Variants in GAB3 observed in about 807,000 individuals in gnomAD.
GAB3 encodes GRB2-associated-binding protein 3.
In GAB3, 12 loss-of-function variants were observed where a neutral mutation model predicts 40.4. That is an observed-to-expected ratio of 0.30 (90% confidence interval 0.19 to 0.48). The LOEUF (loss-of-function observed/expected upper bound fraction) is 0.48, where lower values mean the gene tolerates loss of function less well. Ranked by LOEUF, GAB3 falls within the 20% of genes least tolerant of loss-of-function variation. The pLI, the probability that GAB3 is intolerant of heterozygous loss-of-function variation, is 0.99. For missense variants in GAB3, 381 were observed against 461.9 expected, an observed-to-expected ratio of 0.82 and a Z score of 1.61; for synonymous variants, 154 against 176.7, an observed-to-expected ratio of 0.87 and a Z score of 1.02.
At chrX:154,733,412 CTT>C (rs1219407009) in intron 1 of GAB3, among the ~76,000 whole-genome samples, 2 of 112,294 alleles carry the variant, frequency 1.8e-5, no homozygotes, top group Non-Finnish European at 3.8e-5. Flanking sequence ...AATATGAACT[CTT>C]TGCTTGCCTC....
At chrX:154,709,976 A>G (rs1228303094) in intron 4 of GAB3, among the ~76,000 whole-genome samples, 3 of 112,132 alleles carry the variant, frequency 2.7e-5, no homozygotes, top group African/African-American at 9.7e-5. Context: ...AAAAGGTACA[A>G]ACTTTCAGTG....
intron 8 of GAB3, among the ~76,000 whole-genome samples, chrX:154,684,347 A>G (rs2070417585): frequency 9.0e-6 from 1 of 111,175 alleles, no homozygotes. Flanking sequence ...AAATTTTCCT[A>G]CTGATTCAGT....
intron 4 of GAB3, among the ~76,000 whole-genome samples, chrX:154,709,414 A>G (rs1467437180): frequency 5.7e-5 from 6 of 105,817 alleles, no homozygotes; most frequent in South Asian, 8.8e-4. Flanking sequence ...TCTGCCTCCC[A>G]GGTTCAAGCG....
Position 154,708,291 on chromosome X carries a change from G to A in GAB3, c.1069+3938C>T, listed in dbSNP as rs1287493058. On this transcript the variant is annotated intron_variant, in intron 4 of 9. Coordinates refer to ENST00000424127, the MANE Select transcript of GAB3 (RefSeq NM_001081573.3). The stretch of plus-strand genomic sequence containing the variant: ...TAGCCCCTAGAAGAAAATATAGGGG[G>A]AAAGCTCATTGACATTGGTATTGAT... Among the ~76,000 whole-genome samples, 3 of 111,994 alleles carry A rather than the reference G, an allele frequency of 2.7e-5. No homozygotes were observed. In the East Asian group the frequency reaches 8.4e-4, roughly 31 times the overall value.
intron 1 of GAB3, among the ~76,000 whole-genome samples, chrX:154,741,675 CAAA>C (rs1206111123): frequency 1.1e-4 from 3 of 26,497 alleles, no homozygotes; most frequent in African/African-American, 2.7e-4. Context: ...GACTCCATCT[CAAA>C]AAAAAAAAAA....
chrX:154,687,633 C>CA (rs144999605), intron 8 of GAB3, among the ~76,000 whole-genome samples: 3,411 of 22,319 alleles, frequency 0.15, 380 homozygotes, highest in Non-Finnish European at 0.22. Context: ...GACTCTGTCT[C>CA]AAAAAAAAAA....
chrX:154,698,590 A>G (rs1194313470), intron 6 of GAB3, among the ~76,000 whole-genome samples: 1 of 111,640 alleles, frequency 9.0e-6, no homozygotes, highest in Non-Finnish European at 1.9e-5. Flanking sequence ...CCTTGTAATC[A>G]CACAGCCAAC....
intron 1 of GAB3, among the ~76,000 whole-genome samples, chrX:154,718,150 G>A (rs2148463539): frequency 9.0e-6 from 1 of 110,665 alleles, no homozygotes; most frequent in South Asian, 3.9e-4. Flanking sequence ...AGAGGCCAGG[G>A]AAAAAGGAAA....
intron 1 of GAB3, among the ~76,000 whole-genome samples, chrX:154,733,641 A>G (rs1557260189): frequency 8.9e-6 from 1 of 112,266 alleles, no homozygotes; most frequent in Non-Finnish European, 1.9e-5. Flanking sequence ...TATCATGTTT[A>G]GAAAGGTTTT....
chrX:154,706,886 C>G (rs1375511191), intron 4 of GAB3, among the ~76,000 whole-genome samples: 1 of 103,972 alleles, frequency 9.6e-6, no homozygotes, highest in Admixed American at 1.1e-4. Flanking sequence ...CACCACTGCA[C>G]TGAAGCCTGG....
intron 1 of GAB3, among the ~76,000 whole-genome samples, chrX:154,723,988 G>T (rs1169895425): frequency 9.0e-6 from 1 of 111,634 alleles, no homozygotes; most frequent in African/African-American, 3.3e-5. Context: ...CACCCTTATG[G>T]TATGATTGTA....
chrX:154,697,723 C>G (rs782648931), intron 6 of GAB3, among the ~76,000 whole-genome samples: 3 of 112,155 alleles, frequency 2.7e-5, no homozygotes, highest in East Asian at 5.6e-4. Flanking sequence ...CCTGGGCTCT[C>G]AAGTTCTTGT....
intron 2 of GAB3, among the ~76,000 whole-genome samples, chrX:154,714,076 C>T (rs1480289839): frequency 9.1e-6 from 1 of 109,441 alleles, no homozygotes; most frequent in Admixed American, 9.8e-5. Context: ...TGGAAAAGTC[C>T]ATTTCTTTTT....
Position 154,693,287 on chromosome X carries a change from C to G in GAB3, c.1530+2630G>C, listed in dbSNP as rs150447187. Among the ~76,000 whole-genome samples, 308 of 111,537 alleles carry G rather than the reference C, an allele frequency of 2.8e-3. 4 individuals carry two copies. In the East Asian group the frequency reaches 0.034, roughly 12 times the overall value. On this transcript the variant is annotated intron_variant, in intron 8 of 9. Coordinates refer to ENST00000424127, the MANE Select transcript of GAB3 (RefSeq NM_001081573.3). ...GCTTTACTACAAGAAAAATATTTTTCAAAAACTGTAAAAGAAAGCATCTAA... is the reference window on the plus strand; with the variant it reads ...GCTTTACTACAAGAAAAATATTTTTGAAAAACTGTAAAAGAAAGCATCTAA...
chrX:154,727,829 C>T (rs184823076), intron 1 of GAB3, among the ~76,000 whole-genome samples: 12 of 111,749 alleles, frequency 1.1e-4, no homozygotes, highest in African/African-American at 3.3e-4. Context: ...AACTGAACAA[C>T]GAACAAGGCT....
Position 154,697,142 on chromosome X carries a change from T to C in GAB3, c.1417A>G (p.Thr473Ala), listed in dbSNP as rs1557250908. 7 of 1,203,477 alleles carry C rather than the reference T, an allele frequency of 5.8e-6. No homozygotes were observed. The highest frequency in any genetic ancestry group is 6.7e-6 in the Non-Finnish European group (6 of 890,330). Residue 473 changes from threonine to alanine, a missense_variant, in exon 7 of 10, where the codon ACT becomes GCT. Physicochemically the swap from Thr to Ala is moderately conservative, Grantham distance 58. Coordinates refer to ENST00000424127, the MANE Select transcript of GAB3 (RefSeq NM_001081573.3). ...AGCAATCAGTCTTACCAAGGCACAG[T>C]GCGGGTCCTGGTAAGAGATGCATGT... ...REHASLTRTR[T>A]VPCSRTSFLS... is the part of the protein sequence containing the mutation.
At chrX:154,703,351 G>A (rs2070763848) in intron 4 of GAB3, among the ~76,000 whole-genome samples, 1 of 112,015 alleles carries the variant, frequency 8.9e-6, no homozygotes, top group Admixed American at 9.5e-5. Context: ...TCCTTTGCAG[G>A]AACATATACA....
intron 7 of GAB3, among the ~76,000 whole-genome samples, chrX:154,696,298 C>CA (rs35105330): frequency 0.094 from 3,756 of 39,895 alleles, 187 homozygotes; most frequent in Non-Finnish European, 0.14. Flanking sequence ...TATCATTTAG[C>CA]AAAAAAAAAA....
At chrX:154,702,406 C>G (rs781994376) in intron 4 of GAB3, among the ~76,000 whole-genome samples, 134 of 112,317 alleles carry the variant, frequency 1.2e-3, no homozygotes, top group African/African-American at 4.0e-3. Context: ...AACTATAAAA[C>G]TACTACAAGA....
Sources: gnomAD v4.1 joint callset for allele counts (sites outside exome capture counted in the v4.1 genomes callset) on GRCh38, gnomAD v4.1.1 for gene constraint, MANE v1.5 for transcripts, NCBI Gene and HGNC (gene_info 2026-07-23, HGNC 2026-07-21) for gene names.